The following ACTR2 variants were observed in gnomAD, a reference collection of about 807,000 sequenced individuals.
ACTR2 encodes actin-related protein 2.
Under a neutral mutation model 50.2 loss-of-function variants are expected in ACTR2, and 5 were observed. The ratio of observed to expected loss-of-function variants is 0.10; its 90% confidence interval spans 0.05 to 0.21. The LOEUF is 0.21. ACTR2 is among the 10% of genes least tolerant of loss of function. The probability of loss-of-function intolerance (pLI) is 1.00; values close to 1 mark genes in which losing one functional copy is unlikely to be tolerated. For synonymous variants in ACTR2, 140 were observed against 162.9 expected (o/e 0.86, Z 1.07); for missense variants, 180 against 480.6 (o/e 0.37, Z 5.85).
intron 4 of ACTR2, among the ~76,000 whole-genome samples, chr2:65,251,713 T>TA (rs1558625420): frequency 2.0e-5 from 3 of 151,972 alleles, no homozygotes; most frequent in South Asian, 2.1e-4. Context: ...TGGCTTGAGT[T>TA]AAAAAAAATA....
chr2:65,254,692 C>T (rs965887983), intron 5 of ACTR2, among the ~76,000 whole-genome samples: 1 of 152,140 alleles, frequency 6.6e-6, no homozygotes, highest in African/African-American at 2.4e-5. Context: ...ATAGGGCTGG[C>T]TGCACAACAA....
At chr2:65,248,578 A>AAGT (rs1351328738) in intron 3 of ACTR2, among the ~76,000 whole-genome samples, 1 of 152,100 alleles carries the variant, frequency 6.6e-6, no homozygotes, top group African/African-American at 2.4e-5. Context: ...GTTAGGATTG[A>AAGT]AGTAGTAGTA....
At chr2:65,248,069 G>C (rs1671972692) in intron 3 of ACTR2, among the ~76,000 whole-genome samples, 1 of 152,148 alleles carries the variant, frequency 6.6e-6, no homozygotes, top group South Asian at 2.1e-4. Flanking sequence ...CAGAAGATGA[G>C]GTCGAGTAAG....
At chr2:65,230,174 T>C (rs1446623118) in intron 1 of ACTR2, among the ~76,000 whole-genome samples, 1 of 152,242 alleles carries the variant, frequency 6.6e-6, no homozygotes, top group East Asian at 1.9e-4. Context: ...TAAAAAAGTA[T>C]TAGCCTGATT....
intron 7 of ACTR2, among the ~76,000 whole-genome samples, chr2:65,262,726 G>T (rs1429010672): frequency 6.6e-6 from 1 of 152,092 alleles, no homozygotes; most frequent in Admixed American, 6.6e-5. Context: ...GGAGGCTGAG[G>T]TGGGAGGTTT....
chr2:65,266,044 G>A (rs1672367028), intron 8 of ACTR2, among the ~76,000 whole-genome samples: 1 of 152,128 alleles, frequency 6.6e-6, no homozygotes, highest in South Asian at 2.1e-4. Context: ...ATTTTATTGA[G>A]TTTTACATAT....
rs2104031069 is a variant in ACTR2 at position 65,270,462 on chromosome 2, G to A, written c.*1728G>A. 1 of 152,714 alleles carries A rather than the reference G, an allele frequency of 6.5e-6. No individual in the cohort carries two copies. Among genetic ancestry groups the A allele is most frequent in the Non-Finnish European group, 1.5e-5 (1 of 68,038 alleles). The allele number at this position is 152,714 out of a possible 1,614,324, so 9.5% of individuals were successfully genotyped here. A position where few individuals can be genotyped will look rare whatever the true frequency, so the allele number is the denominator to read the frequency against. ...CTGAATAGCCCGTACTAGATCTTGG[G>A]AACATGGATCTTAGAGTCACTTTGG... On this transcript the variant is annotated 3_prime_UTR_variant, in exon 9 of 9. Transcript: ENST00000260641.
At chr2:65,250,703 T>G (rs1226741265) in intron 3 of ACTR2, among the ~76,000 whole-genome samples, 1 of 148,700 alleles carries the variant, frequency 6.7e-6, no homozygotes, top group Non-Finnish European at 1.5e-5. Context: ...AGAATTTCCC[T>G]TAAGGGATAT....
At chr2:65,249,450 CT>C (rs1476415761) in intron 3 of ACTR2, among the ~76,000 whole-genome samples, 1 of 152,128 alleles carries the variant, frequency 6.6e-6, no homozygotes, top group African/African-American at 2.4e-5. Flanking sequence ...CATTAACATG[CT>C]TTCACATTGG....
chr2:65,254,539 A>T (rs73936445), intron 5 of ACTR2, among the ~76,000 whole-genome samples: 1 of 152,184 alleles, frequency 6.6e-6, no homozygotes, highest in East Asian at 1.9e-4. Flanking sequence ...TGTTTATACC[A>T]CAATTCTATA....
chr2:65,239,872 A>C lies in ACTR2; in HGVS notation c.69A>C (p.Ala23=), dbSNP rs1671809560. ...NGTGFVKCGY[A]GSNFPEHIFP... ...TCCAGTTTGTGAAGTGTGGATATGC[A>C]GGCTCTAACTTTCCAGAACACATCT... Residue 23 remains alanine, a synonymous_variant, in exon 2 of 9, where the codon GCA becomes GCC. Coordinates refer to ENST00000260641, the MANE Select transcript of ACTR2 (RefSeq NM_005722.4). 6.2e-7 allele frequency: 1 copy of C among 1,611,564 alleles called. No individual in the cohort carries two copies. Among genetic ancestry groups the C allele is most frequent in the Admixed American group, 1.7e-5 (1 of 59,972 alleles).
chr2:65,230,552 C>T (rs1009084468), intron 1 of ACTR2, among the ~76,000 whole-genome samples: 1 of 151,758 alleles, frequency 6.6e-6, no homozygotes, highest in Admixed American at 6.6e-5. Context: ...GCTGGGACTA[C>T]AGGCTTGTGC....
intron 2 of ACTR2, among the ~76,000 whole-genome samples, chr2:65,243,610 C>T (rs769688868): frequency 2.0e-5 from 3 of 152,152 alleles, no homozygotes; most frequent in Non-Finnish European, 4.4e-5. Flanking sequence ...GCTTGGGTGA[C>T]AGAGCAAAAC....
At chr2:65,263,109 C>T (rs538360146) in intron 7 of ACTR2, among the ~76,000 whole-genome samples, 3 of 151,670 alleles carry the variant, frequency 2.0e-5, no homozygotes, top group South Asian at 2.1e-4. Flanking sequence ...GGTGCAGTCT[C>T]GGCTCACTGC....
At chr2:65,242,669 AC>A (rs780325775) in intron 2 of ACTR2, 28 of 509,976 alleles carry the variant, frequency 5.5e-5, no homozygotes, top group Non-Finnish European at 1.0e-4. Flanking sequence ...TCTATAAACA[AC>A]AGATTTCCCC....
At position 65,269,340 on chromosome 2, in the gene ACTR2, GATTTTT is replaced by G. The variant is rs1191537097; in HGVS notation, c.*613_*618del. ...GGAGGGTAACAATGGGTGGTCTTCT[GATTTTT>G]ATTTTTGAGGTTTTGTCAACTGGAG... On this transcript the variant is annotated 3_prime_UTR_variant, in exon 9 of 9. Transcript: ENST00000260641. 2 of 152,102 alleles carry G rather than the reference GATTTTT, an allele frequency of 1.3e-5. No individual in the cohort carries two copies. Among genetic ancestry groups the G allele is most frequent in the Non-Finnish European group, 2.9e-5 (2 of 68,016 alleles). The allele number at this position is 152,102 out of a possible 1,614,324, so 9.4% of individuals were successfully genotyped here.
At chr2:65,230,978 T>C (rs549777733) in intron 1 of ACTR2, among the ~76,000 whole-genome samples, 91 of 150,512 alleles carry the variant, frequency 6.0e-4, no homozygotes, top group African/African-American at 2.2e-3. Context: ...TACTTGTACC[T>C]GGGAGGCAGA....
At chr2:65,264,234 T>C (rs566202590) in intron 7 of ACTR2, among the ~76,000 whole-genome samples, 136 of 152,320 alleles carry the variant, frequency 8.9e-4, no homozygotes, top group African/African-American at 3.0e-3. Flanking sequence ...TGAGTACTTA[T>C]CACATGAATC....
chr2:65,254,991 T>TA (rs1341100496), intron 5 of ACTR2, among the ~76,000 whole-genome samples: 1 of 152,100 alleles, frequency 6.6e-6, no homozygotes, highest in Non-Finnish European at 1.5e-5. Flanking sequence ...AGTGGGTTTT[T>TA]AAAAAAATAG....
Sources: gnomAD v4.1 joint callset for allele counts (sites outside exome capture counted in the v4.1 genomes callset) on GRCh38, gnomAD v4.1.1 for gene constraint, MANE v1.5 for transcripts, NCBI Gene and HGNC (gene_info 2026-07-23, HGNC 2026-07-21) for gene names.